Variants in TANC1 observed in about 807,000 individuals in gnomAD.
TANC1 encodes protein TANC1.
In TANC1, 77 loss-of-function variants were observed where a neutral mutation model predicts 149.7. That is an observed-to-expected ratio of 0.51 (90% CI 0.43 to 0.62). TANC1 has a LOEUF of 0.62. TANC1 is among the 20% of genes least tolerant of loss of function. The pLI is 0.00. For synonymous variants in TANC1, 854 were observed against 925.0 expected (o/e 0.92, Z 1.39); for missense variants, 1,985 against 2,321.8 (o/e 0.85, Z 2.98).
At chr2:159,062,710 G>A (rs1470860066) in intron 2 of TANC1, among the ~76,000 whole-genome samples, 1 of 152,070 alleles carries the variant, frequency 6.6e-6, no homozygotes, top group Non-Finnish European at 1.5e-5. Context: ...GCTCACGCCT[G>A]TAATCCCAGC....
At chr2:159,124,641 G>T (rs996209344) in intron 4 of TANC1, among the ~76,000 whole-genome samples, 21 of 152,130 alleles carry the variant, frequency 1.4e-4, no homozygotes, top group African/African-American at 5.1e-4. Context: ...TAGGAAGATC[G>T]ATCTTTCCTC....
chr2:159,039,471 T>C (rs1333416411), intron 2 of TANC1, among the ~76,000 whole-genome samples: 1 of 152,230 alleles, frequency 6.6e-6, no homozygotes, highest in Non-Finnish European at 1.5e-5. Flanking sequence ...TCTTTCCTGC[T>C]TTCTCCTGTG....
intron 1 of TANC1, among the ~76,000 whole-genome samples, chr2:159,000,447 C>T (rs2036524100): frequency 6.6e-6 from 1 of 151,798 alleles, no homozygotes; most frequent in Admixed American, 6.6e-5. Flanking sequence ...GGGAGGAGGG[C>T]CTTTTAGAAT....
chr2:159,012,795 C>CT lies in TANC1; in HGVS notation c.-16+11613dup, dbSNP rs1158761759. On this transcript the variant is annotated intron_variant, in intron 2 of 26. Coordinates refer to ENST00000263635, the MANE Select transcript of TANC1 (RefSeq NM_033394.3). ...AAAATGACCTAAATATAAAGCTCTACTTTTTTTAAAAAAGGGAATTTTGAG... is the reference window on the plus strand; with the variant it reads ...AAAATGACCTAAATATAAAGCTCTACTTTTTTTTAAAAAAGGGAATTTTGAG... Among the ~76,000 whole-genome samples, 11 of 152,086 alleles carry CT rather than the reference C, an allele frequency of 7.2e-5. No homozygotes were observed. The South Asian group carries it at 2.3e-3, about 32-fold the overall frequency.
intron 2 of TANC1, among the ~76,000 whole-genome samples, chr2:159,061,767 T>A (rs1246907859): frequency 6.6e-6 from 1 of 152,184 alleles, no homozygotes; most frequent in East Asian, 1.9e-4. Flanking sequence ...TCCTCAAAAA[T>A]ATATAATGGA....
chr2:159,048,155 C>A (rs1198414635), intron 2 of TANC1, among the ~76,000 whole-genome samples: 2 of 152,126 alleles, frequency 1.3e-5, no homozygotes, highest in African/African-American at 4.8e-5. Context: ...GTTGACCTGA[C>A]CCCAACACCT....
At position 159,178,835 on chromosome 2, in the gene TANC1, G is replaced by T; in HGVS notation, c.2182G>T (p.Val728Leu). 3.1e-6 allele frequency: 5 copies of T among 1,614,190 alleles called. No individual in the cohort carries two copies. In the Middle Eastern group the frequency reaches 8.2e-4, roughly 266 times the overall value. ...HLVIKSASYK[V>L]VPVSLSELYL... ...GGTCATTAAGAGTGCCAGCTACAAG[G>T]TGGTGCCCGTGTCTCTCTCTGAGCT... The change falls in exon 14 of 27, where the codon GTG becomes TTG. Residue 728 changes from valine to leucine, a missense_variant. By Grantham distance (32) the Val-to-Leu change is conservative (BLOSUM62 1). Coordinates refer to ENST00000263635, the MANE Select transcript of TANC1 (RefSeq NM_033394.3).
In TANC1 at chr2:159,225,416, C is replaced by T. The variant is rs971906484; in HGVS notation, c.3812-272C>T. ...CATTTAATTAATTTTCCCCACATCCCACCCGGAAGGGAGGAATGAGTTTTC... is the reference window on the plus strand; with the variant it reads ...CATTTAATTAATTTTCCCCACATCCTACCCGGAAGGGAGGAATGAGTTTTC... On this transcript the variant is annotated intron_variant, in intron 23 of 26. Transcript: ENST00000263635. 1.9e-5 allele frequency: 10 copies of T among 525,290 alleles called. 1 individual carries two copies. The highest frequency in any genetic ancestry group is 1.5e-4 in the South Asian group (7 of 46,082). The allele number at this position is 525,290 out of a possible 1,614,324, so 32.5% of individuals were successfully genotyped here.
At chr2:159,115,102 A>G (rs367971367) in intron 4 of TANC1, among the ~76,000 whole-genome samples, 1 of 152,194 alleles carries the variant, frequency 6.6e-6, no homozygotes, top group African/African-American at 2.4e-5. Flanking sequence ...CAGTGAAGAC[A>G]TTGAGGTGTC....
intron 4 of TANC1, among the ~76,000 whole-genome samples, chr2:159,115,169 A>AGG (rs1163260344): frequency 5.2e-5 from 6 of 115,096 alleles, no homozygotes; most frequent in South Asian, 7.7e-4. Context: ...GAAGCTGGTA[A>AGG]GGGTGTGTGT....
chr2:159,222,883 C>T (rs185230061), intron 22 of TANC1, among the ~76,000 whole-genome samples: 13 of 152,208 alleles, frequency 8.5e-5, no homozygotes, highest in African/African-American at 3.1e-4. Context: ...CAGAATTGTT[C>T]CACATCGTCA....
intron 3 of TANC1, among the ~76,000 whole-genome samples, chr2:159,087,467 G>GTT (rs56181604): frequency 1.4e-4 from 19 of 134,898 alleles, no homozygotes; most frequent in African/African-American, 5.3e-4. Context: ...TTGTTTTTCC[G>GTT]TTTTTTTTTT....
chr2:159,206,106 A>G (rs1174159420), intron 19 of TANC1, among the ~76,000 whole-genome samples: 5 of 152,364 alleles, frequency 3.3e-5, no homozygotes, highest in Admixed American at 2.6e-4. Context: ...CGGCAAAGCA[A>G]CACGATGGGG....
chr2:159,194,186 A>G (rs552272339), intron 16 of TANC1, 71 bp from the exon 17 acceptor site: 10 of 1,236,742 alleles, frequency 8.1e-6, no homozygotes, highest in Non-Finnish European at 1.2e-5. Context: ...AAAATTGAGG[A>G]TACTGCCCAT....
chr2:159,074,896 G>A (rs911633634), intron 3 of TANC1, among the ~76,000 whole-genome samples: 1 of 152,048 alleles, frequency 6.6e-6, no homozygotes, highest in Non-Finnish European at 1.5e-5. Context: ...GGGATAGCAA[G>A]TTTTCTGGTA....
At chr2:159,063,169 ACAGAAC>A (rs1400789759) in intron 2 of TANC1, among the ~76,000 whole-genome samples, 1 of 152,056 alleles carries the variant, frequency 6.6e-6, no homozygotes, top group African/African-American at 2.4e-5. Flanking sequence ...CTCAGTGTGA[ACAGAAC>A]CAGAACAAGA....
In TANC1 at chr2:159,230,513, G is replaced by A. The variant is rs745600997; in HGVS notation, c.5087G>A (p.Gly1696Glu). The change falls in exon 27 of 27, where the codon GGA becomes GAA. Residue 1696 changes from glycine to glutamate, a missense_variant. Around this residue, in one of 3 missense-constraint regions of TANC1, gnomAD observed 920 missense variants for 994.7 expected, o/e 0.92. Coordinates refer to ENST00000263635, the MANE Select transcript of TANC1 (RefSeq NM_033394.3). This position sits in a 1 kb window ranked among gnomAD's most constrained non-coding sequence, Gnocchi z 4.4. ...TTTTCAGATGGCTTCAAGGTCCAAG[G>A]ACCAGATACTAGAATTAAAGACAAG... ...SSFSDGFKVQ[G>E]PDTRIKDKVV... 5 of 1,614,158 alleles carry A rather than the reference G, an allele frequency of 3.1e-6. No individual in the cohort carries two copies. The highest frequency in any genetic ancestry group is 4.2e-6 in the Non-Finnish European group (5 of 1,180,032).
rs1174943707 is a variant in TANC1 at position 159,230,463 on chromosome 2, C to T, written c.5037C>T (p.Thr1679=). Residue 1679 remains threonine, a synonymous_variant, in exon 27 of 27, where the codon ACC becomes ACT. Coordinates refer to ENST00000263635, the MANE Select transcript of TANC1 (RefSeq NM_033394.3). The surrounding 1 kb of genome is among the most constrained non-coding windows in gnomAD (Gnocchi z 4.4). ...PSSSIKMSSS[T]SSLTSSSSFS... ...GCAGCATAAAGATGTCAAGTTCAAC[C>T]AGTAGTTTGACTTCGAGCAGCAGTT... 2 of 1,614,172 alleles carry T rather than the reference C, an allele frequency of 1.2e-6. No homozygotes were observed. The highest frequency in any genetic ancestry group is 2.2e-5 in the East Asian group (1 of 44,884).
At chr2:159,113,849 A>G (rs1170179344) in intron 4 of TANC1, among the ~76,000 whole-genome samples, 1 of 152,186 alleles carries the variant, frequency 6.6e-6, no homozygotes, top group Non-Finnish European at 1.5e-5. Flanking sequence ...TTTTTTGAAC[A>G]AAAAAATCTA....
Sources: allele counts gnomAD v4.1 joint callset (sites outside exome capture counted in the v4.1 genomes callset), GRCh38; gene constraint gnomAD v4.1.1; regional missense constraint gnomAD v4.1.1; non-coding constraint Gnocchi (gnomAD v3.1); transcripts MANE v1.5; gene names NCBI Gene and HGNC (gene_info 2026-07-23, HGNC 2026-07-21).